CTNNA2: variants seen among roughly 807,000 people sequenced by gnomAD.
CTNNA2 encodes catenin alpha-2.
In CTNNA2, 42 loss-of-function variants were observed where a neutral mutation model predicts 101.0. The observed-to-expected ratio is 0.42, with a 90% confidence interval of 0.32 to 0.54. The LOEUF (loss-of-function observed/expected upper bound fraction) is 0.54, where lower values mean the gene tolerates loss of function less well. Among genes scored for constraint, CTNNA2 ranks in the 20% least tolerant of loss-of-function variants. CTNNA2 has a pLI of 0.14. For missense variants in CTNNA2, 871 were observed against 1,223.1 expected (o/e 0.71, Z 4.29); for synonymous variants, 450 against 456.4 (o/e 0.99, Z 0.18).
chr2:80,460,830 C>T lies in CTNNA2; in HGVS notation c.1290+41229C>T, dbSNP rs186939971. Among the ~76,000 whole-genome samples the T allele has an allele frequency of 4.8e-4, 73 of 152,282 alleles. No individual in the cohort carries two copies. In the East Asian group the frequency reaches 0.012, roughly 25 times the overall value. Reference sequence around the variant, plus strand: ...CTCAAACTTTAGCATGCATCAGAATCACCTGGAGGACTTGCCAAAATACAG... The same window carrying T: ...CTCAAACTTTAGCATGCATCAGAATTACCTGGAGGACTTGCCAAAATACAG... On this transcript the variant is annotated intron_variant, in intron 9 of 18. Transcript: ENST00000402739.
At chr2:80,239,298 C>G (rs988648967) in intron 7 of CTNNA2, among the ~76,000 whole-genome samples, 4 of 152,106 alleles carry the variant, frequency 2.6e-5, no homozygotes, top group African/African-American at 9.7e-5. Flanking sequence ...GGTAACCACC[C>G]CCAGCTTAGC....
intron 3 of CTNNA2, among the ~76,000 whole-genome samples, chr2:79,820,385 A>G (rs960747198): frequency 2.0e-5 from 3 of 152,202 alleles, no homozygotes; most frequent in Non-Finnish European, 4.4e-5. Flanking sequence ...GTTTACTTTC[A>G]AAAGTGGAAG....
chr2:79,298,297 A>C (rs1676029529), intron 2 of CTNNA2, among the ~76,000 whole-genome samples: 1 of 152,126 alleles, frequency 6.6e-6, no homozygotes, highest in South Asian at 2.1e-4. Context: ...TCTCTCAGGA[A>C]CGAATAGAGA....
At chr2:80,180,762 C>T (rs1466487193) in intron 7 of CTNNA2, among the ~76,000 whole-genome samples, 5 of 152,238 alleles carry the variant, frequency 3.3e-5, no homozygotes. Flanking sequence ...TCTATCCCAA[C>T]ATCCCAATCT....
intron 4 of CTNNA2, among the ~76,000 whole-genome samples, chr2:79,394,286 A>G (rs558775529): frequency 6.6e-6 from 1 of 152,306 alleles, no homozygotes; most frequent in African/African-American, 2.4e-5. Flanking sequence ...AGCCTCAGGC[A>G]TAGGAACTGC....
In CTNNA2 at chr2:79,954,965, A is replaced by T. The variant is rs189845835; in HGVS notation, c.1056+45168A>T. Among the ~76,000 whole-genome samples the T allele has an allele frequency of 1.2e-4, 18 of 152,340 alleles. 1 individual carries two copies. Among genetic ancestry groups the T allele is most frequent in the Admixed American group, 1.1e-3 (17 of 15,292 alleles). On this transcript the variant is annotated intron_variant, in intron 7 of 18. Transcript: ENST00000402739. Reference sequence around the variant, plus strand: ...AGAAGAAATACCCTTCTCTTTGAACAAAATGAAAATTAAAATGATGCCCTT... The same window carrying T: ...AGAAGAAATACCCTTCTCTTTGAACTAAATGAAAATTAAAATGATGCCCTT...
At chr2:80,313,608 AAAAAAATATG>A in intron 7 of CTNNA2, 1 of 1,610,850 alleles carries the variant, frequency 6.2e-7, no homozygotes, top group Non-Finnish European at 8.5e-7. Flanking sequence ...AAAGTCTGTG[AAAAAAATATG>A]AAGACTTCTG....
rs1317452999 is a variant in CTNNA2 at position 80,490,680 on chromosome 2, A to G, written c.1291-54302A>G. 4.6e-5 allele frequency among the ~76,000 whole-genome samples: 7 copies of G among 152,114 alleles called. No homozygotes were observed. In the East Asian group the frequency reaches 1.4e-3, roughly 29 times the overall value. On this transcript the variant is annotated intron_variant, in intron 9 of 18. Transcript: ENST00000402739. ...AGTGGTGTAAAGATTTACCTATAGT[A>G]CATTTTCTAAATAATATCTAAGAAA...
intron 7 of CTNNA2, among the ~76,000 whole-genome samples, chr2:80,354,093 A>G (rs1397934725): frequency 2.0e-5 from 3 of 152,126 alleles, no homozygotes; most frequent in African/African-American, 7.2e-5. Flanking sequence ...CTCACAACTG[A>G]GCCTCTTTCA....
chr2:79,458,427 G>A (rs1349921455), intron 4 of CTNNA2, among the ~76,000 whole-genome samples: 1 of 152,056 alleles, frequency 6.6e-6, no homozygotes, highest in Non-Finnish European at 1.5e-5. Context: ...GCTCTCTCCT[G>A]GGCAGTAGTT....
At chr2:79,355,680 T>G (rs1677493052) in intron 3 of CTNNA2, among the ~76,000 whole-genome samples, 1 of 152,322 alleles carries the variant, frequency 6.6e-6, no homozygotes, top group Middle Eastern at 3.4e-3. Flanking sequence ...TATATTAAGT[T>G]AATGGAGTCA....
At chr2:79,286,456 C>T (rs1162632817) in intron 2 of CTNNA2, among the ~76,000 whole-genome samples, 2 of 151,834 alleles carry the variant, frequency 1.3e-5, no homozygotes, top group East Asian at 3.9e-4. Flanking sequence ...CTGGTGGTGA[C>T]AAAATCTCTC....
chr2:79,275,247 G>A (rs1202178784), intron 2 of CTNNA2, among the ~76,000 whole-genome samples: 1 of 152,022 alleles, frequency 6.6e-6, no homozygotes, highest in Non-Finnish European at 1.5e-5. Context: ...AGAGGTAACT[G>A]GAGTTTACAT....
Position 79,640,283 on chromosome 2 carries a change from A to G in CTNNA2, c.-5-11269A>G, listed in dbSNP as rs538582924. On this transcript the variant is annotated intron_variant, in intron 1 of 18. Transcript: ENST00000402739. ...GACCTGAGAGGGTCTTGAAGACAAAATGGAATTTGAGTCAGTGAGAAGGAA... is the reference window on the plus strand; with the variant it reads ...GACCTGAGAGGGTCTTGAAGACAAAGTGGAATTTGAGTCAGTGAGAAGGAA... Among the ~76,000 whole-genome samples, 27 of 152,300 alleles carry G rather than the reference A, an allele frequency of 1.8e-4. No individual in the cohort carries two copies. In the South Asian group the frequency reaches 5.6e-3, roughly 32 times the overall value.
intron 4 of CTNNA2, among the ~76,000 whole-genome samples, chr2:79,472,462 A>G (rs1052958380): frequency 1.3e-5 from 2 of 152,112 alleles, no homozygotes; most frequent in African/African-American, 2.4e-5. Flanking sequence ...CCTCTGAATC[A>G]CCTTGGTGGT....
At chr2:80,162,617 A>C in intron 7 of CTNNA2, 5 of 1,611,478 alleles carry the variant, frequency 3.1e-6, no homozygotes, top group Non-Finnish European at 4.2e-6. Flanking sequence ...TATAATGTCT[A>C]TCTGCTAGGT....
chr2:80,022,644 A>G (rs1694647804), intron 7 of CTNNA2, among the ~76,000 whole-genome samples: 2 of 152,114 alleles, frequency 1.3e-5, no homozygotes, highest in African/African-American at 4.8e-5. Context: ...AACGGAAGAG[A>G]CATGGGGGAA....
At chr2:79,643,878 T>C (rs1680617267) in intron 1 of CTNNA2, among the ~76,000 whole-genome samples, 4 of 152,100 alleles carry the variant, frequency 2.6e-5, no homozygotes, top group South Asian at 2.1e-4. Flanking sequence ...CACATTCTTT[T>C]CCATGCTTTT....
chr2:80,043,875 G>T (rs2104293596), intron 7 of CTNNA2, among the ~76,000 whole-genome samples: 1 of 152,284 alleles, frequency 6.6e-6, no homozygotes, highest in East Asian at 1.9e-4. Context: ...GTGCTGGGAA[G>T]AATTTTATAT....
Sources: allele counts gnomAD v4.1 joint callset (sites outside exome capture counted in the v4.1 genomes callset), GRCh38; gene constraint gnomAD v4.1.1; transcripts MANE v1.5; gene names NCBI Gene and HGNC (gene_info 2026-07-23, HGNC 2026-07-21).